The following CALN1 variants were observed in gnomAD, a reference collection of about 807,000 sequenced individuals.
The protein encoded by CALN1 is calneuron 1.
Under a neutral mutation model 30.6 loss-of-function variants are expected in CALN1, and 17 were observed. The observed-to-expected ratio is 0.56, with a 90% CI of 0.38 to 0.83. The LOEUF (loss-of-function observed/expected upper bound fraction) is 0.83, where lower values mean the gene tolerates loss of function less well. Among genes scored for constraint, CALN1 ranks in the 40% least tolerant of loss-of-function variants. The probability of loss-of-function intolerance (pLI) is 0.00; values close to 1 mark genes in which losing one functional copy is unlikely to be tolerated. For missense variants in CALN1, 291 were observed against 354.9 expected, an observed-to-expected ratio of 0.82 and a Z score of 1.45; for synonymous variants, 156 against 131.4, an observed-to-expected ratio of 1.19 and a Z score of -1.28.
chr7:72,300,011 G>C (rs562412454), intron 2 of CALN1, among the ~76,000 whole-genome samples: 1 of 152,226 alleles, frequency 6.6e-6, no homozygotes, highest in South Asian at 2.1e-4. Flanking sequence ...CTCTGAAGTA[G>C]CTGGGATTAC....
intron 3 of CALN1, among the ~76,000 whole-genome samples, chr7:72,107,634 TTCG>T: frequency 6.6e-6 from 1 of 152,060 alleles, no homozygotes; most frequent in East Asian, 1.9e-4. Flanking sequence ...AGATGAAAGG[TTCG>T]TTAATTGTTT....
At chr7:72,202,293 G>C (rs531345424) in intron 3 of CALN1, among the ~76,000 whole-genome samples, 1 of 152,170 alleles carries the variant, frequency 6.6e-6, no homozygotes, top group South Asian at 2.1e-4. Flanking sequence ...AAGAATGAAA[G>C]TAATGAGAAT....
intron 4 of CALN1, among the ~76,000 whole-genome samples, chr7:72,061,400 T>TA (rs1269552592): frequency 6.6e-6 from 1 of 152,196 alleles, no homozygotes; most frequent in East Asian, 1.9e-4. Flanking sequence ...GAGAGGTTTT[T>TA]ATCTTTTTCT....
chr7:72,110,341 A>G (rs2129541528), intron 3 of CALN1, among the ~76,000 whole-genome samples: 1 of 152,296 alleles, frequency 6.6e-6, no homozygotes, highest in East Asian at 1.9e-4. Context: ...GGATTTAGCA[A>G]GTCAGACCAT....
intron 5 of CALN1, among the ~76,000 whole-genome samples, chr7:71,930,966 G>A (rs746579226): frequency 6.6e-6 from 1 of 152,142 alleles, no homozygotes; most frequent in African/African-American, 2.4e-5. Context: ...CTAGACAGAG[G>A]TCTGCAAACT....
intron 3 of CALN1, among the ~76,000 whole-genome samples, chr7:72,183,267 G>A (rs749669257): frequency 2.4e-4 from 37 of 152,072 alleles, no homozygotes; most frequent in African/African-American, 7.5e-4. Context: ...GTTTCACCAC[G>A]TTGGCCAGGC....
intron 3 of CALN1, among the ~76,000 whole-genome samples, chr7:72,264,935 G>A (rs183660415): frequency 2.6e-5 from 4 of 152,254 alleles, no homozygotes; most frequent in Non-Finnish European, 4.4e-5. Context: ...GGAACATGCA[G>A]TATTTGGTTT....
Position 72,373,228 on chromosome 7 carries a change from T to A in CALN1, c.119+30023A>T, listed in dbSNP as rs560667835. Among the ~76,000 whole-genome samples, 16 of 152,278 alleles carry A rather than the reference T, an allele frequency of 1.1e-4. No individual in the cohort carries two copies. The South Asian group carries it at 1.9e-3, about 18-fold the overall frequency. On this transcript the variant is annotated intron_variant, in intron 2 of 6. Transcript: ENST00000395275. ...AACAACACAGGAAAAAAAGGAAGTT[T>A]GGGAAAAAATGTGCACAGAGCCTCA...
At chr7:72,446,433 G>A (rs1014292879) in intron 1 of CALN1, among the ~76,000 whole-genome samples, 1 of 152,172 alleles carries the variant, frequency 6.6e-6, no homozygotes, top group Non-Finnish European at 1.5e-5. Context: ...ACAAGGGACA[G>A]GGTTAGGAAT....
intron 5 of CALN1, among the ~76,000 whole-genome samples, chr7:71,969,134 T>G (rs192426234): frequency 6.4e-4 from 98 of 152,146 alleles, no homozygotes; most frequent in African/African-American, 2.3e-3. Context: ...AGTCTCCCCT[T>G]CATGTGGAGT....
chr7:72,337,451 T>G, intron 2 of CALN1: 1 of 186,086 alleles, frequency 5.4e-6, no homozygotes, highest in Non-Finnish European at 1.0e-5. Context: ...CGCATGCACA[T>G]GCACGGCACA....
upstream of CALN1, among the ~76,000 whole-genome samples, chr7:72,451,571 T>C (rs1035536025): frequency 6.6e-6 from 1 of 151,992 alleles, no homozygotes; most frequent in African/African-American, 2.4e-5. Flanking sequence ...TACCCTCATG[T>C]CTACCTTGAC....
chr7:71,806,317 T>TC (rs1278202451), intron 6 of CALN1, among the ~76,000 whole-genome samples: 1 of 151,392 alleles, frequency 6.6e-6, no homozygotes, highest in Non-Finnish European at 1.5e-5. Flanking sequence ...TTTTTTTTTT[T>TC]TTTTTGAGAT....
intron 4 of CALN1, among the ~76,000 whole-genome samples, chr7:72,088,222 C>G (rs1227635766): frequency 6.6e-6 from 1 of 152,058 alleles, no homozygotes; most frequent in Non-Finnish European, 1.5e-5. Context: ...AACATAACAC[C>G]AGGCACCACC....
intron 5 of CALN1, among the ~76,000 whole-genome samples, chr7:71,917,095 G>T (rs1205049776): frequency 1.3e-5 from 2 of 152,184 alleles, no homozygotes; most frequent in African/African-American, 4.8e-5. Context: ...TTGAGAAGGT[G>T]CTTTTCTGAG....
intron 3 of CALN1, among the ~76,000 whole-genome samples, chr7:72,158,191 C>T (rs1250545284): frequency 1.3e-5 from 2 of 152,136 alleles, no homozygotes; most frequent in Non-Finnish European, 2.9e-5. Context: ...AGGTCTCTTC[C>T]GTCATGTAGT....
rs141012732 is a variant in CALN1, at chr7:72,385,986, A to G, written c.119+17265T>C. On this transcript the variant is annotated intron_variant, in intron 2 of 6. Transcript: ENST00000395275. ...TATCAAACCACAAAGACACGGATTGATCTTAAATTCATATATGTAAGTGAG... is the reference window on the plus strand; with the variant it reads ...TATCAAACCACAAAGACACGGATTGGTCTTAAATTCATATATGTAAGTGAG... Among the ~76,000 whole-genome samples the G allele has an allele frequency of 1.8e-3, 271 of 152,300 alleles. 1 individual carries two copies. Among genetic ancestry groups the G allele is most frequent in the African/African-American group, 6.4e-3 (267 of 41,568 alleles).
At chr7:72,433,260 C>T (rs1808034843) in intron 1 of CALN1, among the ~76,000 whole-genome samples, 1 of 152,168 alleles carries the variant, frequency 6.6e-6, no homozygotes, top group South Asian at 2.1e-4. Flanking sequence ...AATAGATTAA[C>T]TGCTATCCAA....
intron 3 of CALN1, among the ~76,000 whole-genome samples, chr7:72,216,283 G>C (rs1792805081): frequency 6.6e-6 from 1 of 151,888 alleles, no homozygotes; most frequent in Non-Finnish European, 1.5e-5. Flanking sequence ...TAACATAACT[G>C]AGCGTGGTGG....
Sources: gnomAD v4.1 joint callset for allele counts (sites outside exome capture counted in the v4.1 genomes callset) on GRCh38, gnomAD v4.1.1 for gene constraint, MANE v1.5 for transcripts, NCBI Gene and HGNC (gene_info 2026-07-23, HGNC 2026-07-21) for gene names.